The following NTRK2 variants were observed in gnomAD, a reference collection of about 807,000 sequenced individuals.
NTRK2 encodes neurotrophic receptor tyrosine kinase 2, also known as BDNF/NT-3 growth factors receptor.
NTRK2 carries 13 observed loss-of-function variants against 94.5 expected under a neutral mutation model. The ratio of observed to expected loss-of-function variants is 0.14; its 90% CI spans 0.09 to 0.22. NTRK2 has a LOEUF of 0.22. Ranked by LOEUF, NTRK2 falls within the 10% of genes least tolerant of loss-of-function variation. NTRK2 has a pLI of 1.00. For missense variants in NTRK2, 639 were observed against 1,071.2 expected (o/e 0.60, Z 5.63); for synonymous variants, 372 against 407.4 (o/e 0.91, Z 1.05).
chr9:84,800,645 G>A (rs191415761), intron 12 of NTRK2, among the ~76,000 whole-genome samples: 27 of 152,344 alleles, frequency 1.8e-4, no homozygotes, highest in Admixed American at 1.6e-3. Flanking sequence ...CCATGGAACA[G>A]TTCTCAGACC....
intron 11 of NTRK2, among the ~76,000 whole-genome samples, chr9:84,749,096 C>G (rs1428925959): frequency 6.6e-6 from 1 of 152,096 alleles, no homozygotes; most frequent in East Asian, 1.9e-4. Flanking sequence ...GGTGTGGTGG[C>G]ACATGCCTAT....
At chr9:84,960,222 C>T (rs1418473520) in intron 17 of NTRK2, among the ~76,000 whole-genome samples, 1 of 152,158 alleles carries the variant, frequency 6.6e-6, no homozygotes, top group African/African-American at 2.4e-5. Flanking sequence ...CCCAGTTTAT[C>T]AACTGGGAAG....
intron 12 of NTRK2, among the ~76,000 whole-genome samples, chr9:84,829,798 C>T (rs1168064321): frequency 6.6e-6 from 1 of 152,200 alleles, no homozygotes; most frequent in Non-Finnish European, 1.5e-5. Flanking sequence ...TAATCCTCTG[C>T]ACTAAACCCC....
rs1339819904 is a variant in NTRK2 at position 85,004,039 on chromosome 9, A to AAGAAAGAAAGAAAGAAAAGAAAGAG, written c.2173-16161_2173-16160insAAAGAAAGAAAAGAAAGAGAGAAAG. Among the ~76,000 whole-genome samples the AAGAAAGAAAGAAAGAAAAGAAAGAG allele has an allele frequency of 1.9e-3, 76 of 40,934 alleles. 9 individuals carry two copies. Among genetic ancestry groups the AAGAAAGAAAGAAAGAAAAGAAAGAG allele is most frequent in the Middle Eastern group, 0.012 (1 of 82 alleles). 26.9% of individuals were successfully genotyped at this position (40,934 alleles called of 152,430 possible). A position where few individuals can be genotyped will look rare whatever the true frequency, so the allele number is the denominator to read the frequency against. On this transcript the variant is annotated intron_variant, in intron 17 of 18. Coordinates refer to ENST00000277120, the MANE Select transcript of NTRK2 (RefSeq NM_006180.6). ...AAAGAGAGAAAGAAAGAAAGAGAGA[A>AAGAAAGAAAGAAAGAAAAGAAAGAG]AGAAAGGGAGAAAGAGAAAGAAAGG...
chr9:84,897,211 A>G (rs2132355263), intron 14 of NTRK2, among the ~76,000 whole-genome samples: 1 of 152,140 alleles, frequency 6.6e-6, no homozygotes, highest in East Asian at 1.9e-4. Context: ...ATCTCCACTC[A>G]CTGCAACGTC....
At chr9:84,931,188 C>T (rs2078014309) in intron 14 of NTRK2, among the ~76,000 whole-genome samples, 1 of 151,960 alleles carries the variant, frequency 6.6e-6, no homozygotes, top group Admixed American at 6.6e-5. Context: ...GGGTGGATCA[C>T]GAGGTCAGGA....
chr9:84,795,933 T>A (rs1393236736), intron 12 of NTRK2, among the ~76,000 whole-genome samples: 3 of 152,026 alleles, frequency 2.0e-5, no homozygotes, highest in Non-Finnish European at 2.9e-5. Context: ...GATGTCACAA[T>A]GTCACTTCAA....
chr9:84,677,737 GAGATTTGA>G (rs1250257296), intron 2 of NTRK2, among the ~76,000 whole-genome samples: 1 of 152,164 alleles, frequency 6.6e-6, no homozygotes, highest in Non-Finnish European at 1.5e-5. Flanking sequence ...GAGAGGTCTA[GAGATTTGA>G]ATTCATGTTC....
intron 17 of NTRK2, among the ~76,000 whole-genome samples, chr9:84,986,529 C>T (rs1053471347): frequency 1.3e-4 from 20 of 152,308 alleles, no homozygotes; most frequent in Admixed American, 7.2e-4. Context: ...TGCTGTGTGG[C>T]CCAGTTCCTA....
chr9:84,853,351 AGGGCC>A (rs2074881253), intron 12 of NTRK2, among the ~76,000 whole-genome samples: 1 of 152,146 alleles, frequency 6.6e-6, no homozygotes, highest in Non-Finnish European at 1.5e-5. Context: ...GTGTCTAGAG[AGGGCC>A]CACATCTTCT....
At chr9:84,965,177 G>A (rs1179157958) in intron 17 of NTRK2, among the ~76,000 whole-genome samples, 3 of 152,196 alleles carry the variant, frequency 2.0e-5, no homozygotes, top group East Asian at 1.9e-4. Context: ...TGTGTAGGCA[G>A]AATATTAGTA....
intron 12 of NTRK2, among the ~76,000 whole-genome samples, chr9:84,755,370 A>G (rs2064988923): frequency 1.3e-5 from 2 of 152,114 alleles, no homozygotes; most frequent in East Asian, 1.9e-4. Context: ...CTCAATACAT[A>G]TTAACGACAG....
intron 12 of NTRK2, among the ~76,000 whole-genome samples, chr9:84,782,766 T>A (rs2067723694): frequency 6.6e-6 from 1 of 152,184 alleles, no homozygotes; most frequent in Non-Finnish European, 1.5e-5. Flanking sequence ...CTCTGGAGTA[T>A]AACGGTTCAG....
intron 2 of NTRK2, among the ~76,000 whole-genome samples, chr9:84,671,333 G>A (rs35714786): frequency 0.018 from 2,691 of 152,318 alleles, 44 homozygotes; most frequent in South Asian, 0.049. Context: ...TGTATGTTGT[G>A]TTAGAAGTTC....
chr9:85,019,487 C>T (rs1832594536), intron 17 of NTRK2, among the ~76,000 whole-genome samples: 1 of 152,140 alleles, frequency 6.6e-6, no homozygotes, highest in Non-Finnish European at 1.5e-5. Context: ...GTTTTCTTTG[C>T]CTGTACTAAT....
At chr9:84,671,960 T>G (rs950613703) in intron 2 of NTRK2, among the ~76,000 whole-genome samples, 26 of 152,190 alleles carry the variant, frequency 1.7e-4, no homozygotes, top group African/African-American at 6.3e-4. Context: ...TACATCTCAT[T>G]AACATGAGAT....
intron 12 of NTRK2, among the ~76,000 whole-genome samples, chr9:84,775,437 T>C (rs2066937612): frequency 6.6e-6 from 1 of 152,352 alleles, no homozygotes; most frequent in South Asian, 2.1e-4. Flanking sequence ...GCCAGAGATA[T>C]TGCCAGCAAC....
chr9:84,869,802 A>T (rs2075760334), intron 14 of NTRK2, among the ~76,000 whole-genome samples: 2 of 152,142 alleles, frequency 1.3e-5, no homozygotes, highest in South Asian at 4.1e-4. Flanking sequence ...ATATGTAACA[A>T]GAAAGATGAC....
At chr9:84,810,037 G>GA (rs1312198802) in intron 12 of NTRK2, among the ~76,000 whole-genome samples, 1 of 152,172 alleles carries the variant, frequency 6.6e-6, no homozygotes, top group East Asian at 1.9e-4. Context: ...GCTGGGGAAA[G>GA]AAAATCAGGA....
Sources: gnomAD v4.1 joint callset for allele counts (sites outside exome capture counted in the v4.1 genomes callset) on GRCh38, gnomAD v4.1.1 for gene constraint, MANE v1.5 for transcripts, NCBI Gene and HGNC (gene_info 2026-07-23, HGNC 2026-07-21) for gene names.